SLIT1: variants seen among roughly 807,000 people sequenced by gnomAD.
SLIT1 encodes slit guidance ligand 1.
In SLIT1, 66 loss-of-function variants were observed where a neutral mutation model predicts 186.1. The observed-to-expected ratio is 0.35, with a 90% confidence interval of 0.29 to 0.44. SLIT1 has a LOEUF of 0.44. SLIT1 is among the 20% of genes least tolerant of loss of function. The pLI is 1.00. For missense variants in SLIT1, 1,638 were observed against 2,037.4 expected, an observed-to-expected ratio of 0.80 and a Z score of 3.77; for synonymous variants, 761 against 833.8, an observed-to-expected ratio of 0.91 and a Z score of 1.50.
At chr10:97,047,099 A>T (rs1418229894) in intron 16 of SLIT1, 34 bp from the exon 17 acceptor site, 2 of 1,348,172 alleles carry the variant, frequency 1.5e-6, no homozygotes, top group Non-Finnish European at 2.1e-6. Flanking sequence ...GCACATTCAC[A>T]AATGATGGAC....
rs761408579 is a variant in SLIT1 at position 97,037,720 on chromosome 10, T to C, written c.2344A>G (p.Thr782Ala). 2.5e-6 allele frequency: 4 copies of C among 1,609,736 alleles called. No homozygotes were observed. Among genetic ancestry groups the C allele is most frequent in the Non-Finnish European group, 3.4e-6 (4 of 1,176,672 alleles). Residue 782 changes from threonine (T) to alanine (A), a missense_variant, in exon 22 of 37, where the codon ACC becomes GCC. Coordinates refer to ENST00000266058, the MANE Select transcript of SLIT1 (RefSeq NM_003061.3). The part of the protein sequence containing the change: ...QFTLVPGQLS[T>A]FKYLQLVDLS... ...TACACGAGCTGCAGGTACTTGAAGGTAGACAGCTGTCCCGGAACCAGCGTG... is the reference window on the plus strand; with the variant it reads ...TACACGAGCTGCAGGTACTTGAAGGCAGACAGCTGTCCCGGAACCAGCGTG...
chr10:97,055,421 G>A (rs945982364), intron 13 of SLIT1, among the ~76,000 whole-genome samples: 1 of 152,094 alleles, frequency 6.6e-6, no homozygotes, highest in Non-Finnish European at 1.5e-5. Flanking sequence ...AGTGCAGGGG[G>A]TGTGGCCACA....
Position 97,164,807 on chromosome 10 carries a change from C to A in SLIT1, c.269+12G>T. ...GCCAGGGGTGGGGTGGGAGGGAGCA[C>A]CCCATACTCACAGCACCCGCAGCTG... On this transcript the variant is annotated intron_variant, in intron 2 of 36. Coordinates refer to ENST00000266058, the MANE Select transcript of SLIT1 (RefSeq NM_003061.3). 1.2e-6 allele frequency: 2 copies of A among 1,606,970 alleles called. No homozygotes were observed. Among genetic ancestry groups the A allele is most frequent in the Non-Finnish European group, 1.7e-6 (2 of 1,173,666 alleles).
intron 4 of SLIT1, among the ~76,000 whole-genome samples, chr10:97,140,119 C>G (rs186748301): frequency 6.3e-4 from 96 of 152,266 alleles, no homozygotes; most frequent in Admixed American, 6.1e-3. Context: ...GTGGGAACAT[C>G]TCTGGCTCTG....
chr10:97,073,998 C>T (rs1054187612), intron 4 of SLIT1, among the ~76,000 whole-genome samples: 14 of 152,138 alleles, frequency 9.2e-5, no homozygotes, highest in African/African-American at 3.1e-4. Flanking sequence ...CGCTATTTAT[C>T]CTTCACACCT....
chr10:97,023,717 C>T (rs1848520767), intron 25 of SLIT1, among the ~76,000 whole-genome samples: 1 of 152,142 alleles, frequency 6.6e-6, no homozygotes, highest in Non-Finnish European at 1.5e-5. Flanking sequence ...CCGAGGCAGG[C>T]AGATCACCTC....
chr10:97,063,601 T>A lies in SLIT1; in HGVS notation c.647A>T (p.His216Leu), dbSNP rs745788927. 1.2e-6 allele frequency: 2 copies of A among 1,609,610 alleles called. No homozygotes were observed. Among genetic ancestry groups the A allele is most frequent in the Admixed American group, 1.7e-5 (1 of 59,640 alleles). ...KLRTFRLHSN[H>L]LFCDCHLAWL... ...GGCCAGGTGGCAGTCGCAAAACAGG[T>A]GGTTGGAGTGCAGGCGGCTGCAAGA... Residue 216 changes from histidine (H) to leucine (L), a missense_variant, in exon 8 of 37, where the codon CAC becomes CTC. His to Leu is a moderately conservative substitution (Grantham distance 99). Around this residue, in one of 3 missense-constraint regions of SLIT1, gnomAD observed 1,245 missense variants for 1,535.3 expected, o/e 0.81. Transcript: ENST00000266058.
intron 4 of SLIT1, among the ~76,000 whole-genome samples, chr10:97,087,404 G>T (rs1033101044): frequency 6.6e-6 from 1 of 152,164 alleles, no homozygotes; most frequent in African/African-American, 2.4e-5. Flanking sequence ...GGTCACCAGG[G>T]CCCTCCCCCG....
chr10:97,048,853 A>AGGTGGACC, intron 14 of SLIT1, 102 bp downstream of exon 14: 1 of 1,070,570 alleles, frequency 9.3e-7, no homozygotes, highest in Non-Finnish European at 1.3e-6. Flanking sequence ...GCAGGCGGGT[A>AGGTGGACC]GGTGGGCAGG....
At chr10:97,185,309 C>CGCTCCTG (rs1262535001) in intron 1 of SLIT1, among the ~76,000 whole-genome samples, 169 bp downstream of exon 1, 4 of 152,202 alleles carry the variant, frequency 2.6e-5, no homozygotes, top group African/African-American at 4.8e-5. Flanking sequence ...GAAACCACGG[C>CGCTCCTG]GCTCCTGGCT....
chr10:97,012,864 C>T (rs1272579631), intron 30 of SLIT1, among the ~76,000 whole-genome samples: 1 of 152,210 alleles, frequency 6.6e-6, no homozygotes, highest in Non-Finnish European at 1.5e-5. Flanking sequence ...GAAGCTCTGC[C>T]CTGACCACCC....
At chr10:97,075,148 G>A (rs1480453039) in intron 4 of SLIT1, among the ~76,000 whole-genome samples, 2 of 152,208 alleles carry the variant, frequency 1.3e-5, no homozygotes, top group South Asian at 2.1e-4. Context: ...TGCAGCCCGA[G>A]TGGTTACCTT....
intron 25 of SLIT1, among the ~76,000 whole-genome samples, chr10:97,030,485 A>C (rs1393655061): frequency 1.3e-5 from 2 of 152,228 alleles, no homozygotes; most frequent in Non-Finnish European, 2.9e-5. Flanking sequence ...TGTGAGGCGC[A>C]CATTAGCTGA....
chr10:97,028,674 C>G (rs1390609918), intron 25 of SLIT1, among the ~76,000 whole-genome samples: 1 of 152,240 alleles, frequency 6.6e-6, no homozygotes, highest in African/African-American at 2.4e-5. Flanking sequence ...TTAGTCACTG[C>G]TTCCTTTGAA....
At chr10:97,067,547 C>G (rs1291349549) in intron 4 of SLIT1, among the ~76,000 whole-genome samples, 1 of 152,224 alleles carries the variant, frequency 6.6e-6, no homozygotes, top group East Asian at 1.9e-4. Flanking sequence ...GGTAACCCAG[C>G]TGGTGGGTGG....
At chr10:97,058,115 A>G (rs1340575944) in intron 11 of SLIT1, 7 of 714,520 alleles carry the variant, frequency 9.8e-6, no homozygotes, top group East Asian at 2.7e-5. Flanking sequence ...GCTGGAATGG[A>G]GGGAACAAAT....
At position 97,066,348 on chromosome 10, in the gene SLIT1, G is replaced by A. The variant is rs149972622; in HGVS notation, c.414-262C>T. On this transcript the variant is annotated intron_variant, in intron 4 of 36. Transcript: ENST00000266058. The stretch of plus-strand genomic sequence containing the variant: ...CAGCCACCTCCCCTTCTCTGGGCTC[G>A]GGGCTTGCAGCTGGAAGGAGAAGCC... 1.1e-3 allele frequency among the ~76,000 whole-genome samples: 162 copies of A among 152,336 alleles called. No individual in the cohort carries two copies. In the Middle Eastern group the frequency reaches 0.014, roughly 13 times the overall value.
chr10:97,161,184 G>A (rs1161160489), intron 3 of SLIT1, among the ~76,000 whole-genome samples: 5 of 152,244 alleles, frequency 3.3e-5, no homozygotes, highest in East Asian at 1.9e-4. Flanking sequence ...GTCATGTCTC[G>A]ACCCCCCAGA....
rs1228451445 is a variant in SLIT1 at position 97,002,751 on chromosome 10, C to G, written c.4107G>C (p.Val1369=). Residue 1369 remains valine (V), a synonymous_variant, in exon 35 of 37, where the codon GTG becomes GTC. Transcript: ENST00000266058. ...GPMCHCEAGW[V]GLHCDQPADG... Reference sequence around the variant, plus strand: ...CAGCGGGCTGGTCACAGTGCAGGCCCACCCAGCCAGCCTCGCAGTGGCACA... The same window carrying G: ...CAGCGGGCTGGTCACAGTGCAGGCCGACCCAGCCAGCCTCGCAGTGGCACA... 6 of 1,609,690 alleles carry G rather than the reference C, an allele frequency of 3.7e-6. No homozygotes were observed. In the South Asian group the frequency reaches 6.6e-5, roughly 18 times the overall value.
Sources: gnomAD v4.1 joint callset for allele counts (sites outside exome capture counted in the v4.1 genomes callset) on GRCh38, gnomAD v4.1.1 for gene constraint, gnomAD v4.1.1 regional missense constraint, MANE v1.5 for transcripts, NCBI Gene and HGNC (gene_info 2026-07-23, HGNC 2026-07-21) for gene names.